HECA: variants seen among roughly 807,000 people sequenced by gnomAD.
The protein encoded by HECA is HECA ribonucleoprotein granule regulator.
A neutral mutation model predicts 37.6 loss-of-function variants in HECA; 13 were observed. That is an observed-to-expected ratio of 0.35 (90% CI 0.23 to 0.55). The LOEUF (loss-of-function observed/expected upper bound fraction) is 0.55. Among genes scored for constraint, HECA ranks in the 20% least tolerant of loss-of-function variants. The pLI, the probability that HECA is intolerant of heterozygous loss-of-function variation, is 0.90. For synonymous variants in HECA, 307 were observed against 291.5 expected, an observed-to-expected ratio of 1.05 and a Z score of -0.54; for missense variants, 527 against 701.9, an observed-to-expected ratio of 0.75 and a Z score of 2.82.
intron 1 of HECA, among the ~76,000 whole-genome samples, chr6:139,138,561 G>T (rs1051663394): frequency 2.6e-5 from 4 of 152,192 alleles, no homozygotes; most frequent in African/African-American, 9.7e-5. Context: ...CTCTTGGGCA[G>T]TGCGGCCACC....
chr6:139,150,408 C>T (rs2114446931), intron 1 of HECA, among the ~76,000 whole-genome samples: 1 of 150,636 alleles, frequency 6.6e-6, no homozygotes, highest in South Asian at 2.1e-4. Context: ...CAGTTTTCCT[C>T]AACTTATATT....
intron 1 of HECA, chr6:139,152,940 G>A (rs1158815695): frequency 6.6e-6 from 1 of 152,278 alleles, no homozygotes; most frequent in South Asian, 2.1e-4. Context: ...ACAGTGTGGA[G>A]CATCAGTGGG....
intron 1 of HECA, among the ~76,000 whole-genome samples, chr6:139,163,367 T>TTTC (rs1774834883): frequency 9.1e-6 from 1 of 110,202 alleles, no homozygotes; most frequent in Admixed American, 8.8e-5. Flanking sequence ...TTTTTTTTTT[T>TTTC]TTTTTTAAAG....
Position 139,174,471 on chromosome 6 carries a change from G to A in HECA, c.1399G>A (p.Asp467Asn), listed in dbSNP as rs1156877711. ...CTGCATCAAGTGTAAGTCACGGTGG[G>A]ATGGCAGCTGGCACCAGCTGGGCAC... ...IICIKCKSRW[D>N]GSWHQLGTMY... Residue 467 changes from aspartate to asparagine, a missense_variant, in exon 3 of 4, where the codon GAT becomes AAT. Asp to Asn is a conservative substitution (Grantham distance 23). Coordinates refer to ENST00000367658, the MANE Select transcript of HECA (RefSeq NM_016217.3). 1 of 1,613,564 alleles carries A rather than the reference G, an allele frequency of 6.2e-7. No individual in the cohort carries two copies. Among genetic ancestry groups the A allele is most frequent in the South Asian group, 1.1e-5 (1 of 91,024 alleles).
At chr6:139,154,407 A>G (rs1774689259) in intron 1 of HECA, among the ~76,000 whole-genome samples, 1 of 152,240 alleles carries the variant, frequency 6.6e-6, no homozygotes, top group African/African-American at 2.4e-5. Flanking sequence ...GGACTGGTTT[A>G]CTAAGACACA....
chr6:139,166,860 C>T lies in HECA; in HGVS notation c.848C>T (p.Ala283Val). Residue 283 changes from alanine (A) to valine (V), a missense_variant, in exon 2 of 4, where the codon GCC becomes GTC. Ala to Val is a moderately conservative substitution (Grantham distance 64). Around this residue, in one of 4 missense-constraint regions of HECA, gnomAD observed 228 missense variants for 259.8 expected, o/e 0.88. Transcript: ENST00000367658. Reference sequence around the variant, plus strand: ...ACGGGCTACTCCATCCTCTCTCCTGCCCACTTCAGCGGCCCCCGCTCCTCC... The same window carrying T: ...ACGGGCTACTCCATCCTCTCTCCTGTCCACTTCAGCGGCCCCCGCTCCTCC... ...PPTGYSILSP[A>V]HFSGPRSSRY... 6.2e-7 allele frequency: 1 copy of T among 1,613,966 alleles called. No homozygotes were observed. The highest frequency in any genetic ancestry group is 1.6e-4 in the Middle Eastern group (1 of 6,062).
intron 3 of HECA, among the ~76,000 whole-genome samples, chr6:139,175,879 C>G (rs545101615): frequency 6.6e-6 from 1 of 152,144 alleles, no homozygotes; most frequent in Non-Finnish European, 1.5e-5. Context: ...ACAATTGAAG[C>G]CCAGACCTTT....
At chr6:139,142,311 A>T (rs1261720245) in intron 1 of HECA, among the ~76,000 whole-genome samples, 1 of 152,154 alleles carries the variant, frequency 6.6e-6, no homozygotes, top group Non-Finnish European at 1.5e-5. Context: ...GAGGGACACA[A>T]ACATTCAAAC....
intron 1 of HECA, among the ~76,000 whole-genome samples, chr6:139,146,419 A>G (rs1239922929): frequency 6.6e-6 from 1 of 152,244 alleles, no homozygotes; most frequent in African/African-American, 2.4e-5. Flanking sequence ...TTCGCTTTAT[A>G]AATGAGCACT....
intron 1 of HECA, among the ~76,000 whole-genome samples, chr6:139,164,944 T>C (rs1252150867): frequency 6.6e-6 from 1 of 152,174 alleles, no homozygotes; most frequent in African/African-American, 2.4e-5. Flanking sequence ...CCCTTCCACC[T>C]CTGGCCACCT....
intron 1 of HECA, among the ~76,000 whole-genome samples, chr6:139,142,919 G>A (rs1034422627): frequency 1.3e-5 from 2 of 152,204 alleles, no homozygotes; most frequent in East Asian, 3.9e-4. Context: ...TTGCACTCCA[G>A]CCTGGCGACA....
rs1774885161 is a variant in HECA, at chr6:139,166,330, G to A, written c.318G>A (p.Val106=). ...TGATCTGCAGCTTCGGTAGGCCGGT[G>A]GACCTGGAGAAGGACGACTACCAGA... ...TPLICSFGRP[V]DLEKDDYQKV... Residue 106 remains valine (V), a synonymous_variant, in exon 2 of 4, where the codon GTG becomes GTA. Coordinates refer to ENST00000367658, the MANE Select transcript of HECA (RefSeq NM_016217.3). The A allele has an allele frequency of 1.2e-6, 2 of 1,613,052 alleles. No homozygotes were observed. The highest frequency in any genetic ancestry group is 1.7e-6 in the Non-Finnish European group (2 of 1,179,182).
chr6:139,172,647 A>C (rs1271932283), intron 2 of HECA, among the ~76,000 whole-genome samples: 2 of 152,208 alleles, frequency 1.3e-5, no homozygotes, highest in East Asian at 1.9e-4. Flanking sequence ...GACAATGTGT[A>C]GCAGAACTGA....
intron 2 of HECA, 143 bp downstream of exon 2, chr6:139,167,467 A>G (rs1205677598): frequency 2.9e-6 from 2 of 700,852 alleles, no homozygotes; most frequent in Non-Finnish European, 4.6e-6. Flanking sequence ...TGAATATTTC[A>G]GCTTCGCCCA....
At chr6:139,151,167 C>A (rs1054764310) in intron 1 of HECA, 1 of 152,054 alleles carries the variant, frequency 6.6e-6, no homozygotes, top group Non-Finnish European at 1.5e-5. Flanking sequence ...AAGAACCTAG[C>A]GGAATGACTG....
chr6:139,147,207 C>T (rs1774595212), intron 1 of HECA, among the ~76,000 whole-genome samples: 1 of 152,174 alleles, frequency 6.6e-6, no homozygotes, highest in African/African-American at 2.4e-5. Flanking sequence ...TCCATCTTGA[C>T]TCACACACAT....
intron 1 of HECA, among the ~76,000 whole-genome samples, chr6:139,158,979 A>C (rs568758772): frequency 1.8e-4 from 27 of 152,268 alleles, no homozygotes; most frequent in African/African-American, 6.0e-4. Context: ...AAGCTGAGGC[A>C]GGAGAATCGC....
intron 2 of HECA, among the ~76,000 whole-genome samples, chr6:139,171,838 T>G (rs1033625430): frequency 3.8e-4 from 56 of 146,770 alleles, no homozygotes; most frequent in Middle Eastern, 3.4e-3. Context: ...GTTGTTGTGT[T>G]TTTTTTTTTT....
At chr6:139,168,111 A>C (rs545508426) in intron 2 of HECA, among the ~76,000 whole-genome samples, 1 of 152,328 alleles carries the variant, frequency 6.6e-6, no homozygotes, top group South Asian at 2.1e-4. Flanking sequence ...TACCCAGACA[A>C]ACATTTTCAA....
Sources: gnomAD v4.1 joint callset for allele counts (sites outside exome capture counted in the v4.1 genomes callset) on GRCh38, gnomAD v4.1.1 for gene constraint, gnomAD v4.1.1 regional missense constraint, MANE v1.5 for transcripts, NCBI Gene and HGNC (gene_info 2026-07-23, HGNC 2026-07-21) for gene names.